Variants in POLR3B observed in about 807,000 individuals in gnomAD.
POLR3B encodes RNA polymerase III subunit B, also known as DNA-directed RNA polymerase III subunit RPC2.
In POLR3B, 96 loss-of-function variants were observed where a neutral mutation model predicts 147.4. The ratio of observed to expected loss-of-function variants is 0.65; its 90% CI spans 0.55 to 0.77. The LOEUF (loss-of-function observed/expected upper bound fraction) is 0.77, where lower values mean the gene tolerates loss of function less well. POLR3B is among the 30% of genes least tolerant of loss of function. The pLI, the probability that POLR3B is intolerant of heterozygous loss-of-function variation, is 0.00. For missense variants in POLR3B, 1,036 were observed against 1,413.5 expected (o/e 0.73, Z 4.28); for synonymous variants, 461 against 485.9 (o/e 0.95, Z 0.67).
rs937446537 is a variant in POLR3B at position 106,393,087 on chromosome 12, C to T, written c.780C>T (p.His260=). Residue 260 remains histidine (H), a synonymous_variant, in exon 10 of 28, where the codon CAC becomes CAT. Transcript: ENST00000228347. The part of the protein sequence containing the change: ...EIVQMIGTEE[H]VMAAFGPSLE... ...TGCAGATGATTGGAACAGAGGAGCA[C>T]GTGATGGCTGCATTTGGGCCCAGTC... The T allele has an allele frequency of 1.5e-5, 24 of 1,614,042 alleles. No individual in the cohort carries two copies. The highest frequency in any genetic ancestry group is 1.7e-5 in the Admixed American group (1 of 59,998).
chr12:106,498,031 A>AATAAATGTTTAG (rs1186855810), intron 25 of POLR3B, among the ~76,000 whole-genome samples: 1 of 152,192 alleles, frequency 6.6e-6, no homozygotes, highest in Non-Finnish European at 1.5e-5. Context: ...CACAGCAGGC[A>AATAAATGTTTAG]CTCCATAAAC....
intron 19 of POLR3B, among the ~76,000 whole-genome samples, chr12:106,450,350 G>C (rs569052743): frequency 6.6e-6 from 1 of 152,186 alleles, no homozygotes; most frequent in African/African-American, 2.4e-5. Context: ...AGAGTACAAA[G>C]TATAAAAATT....
intron 23 of POLR3B, among the ~76,000 whole-genome samples, chr12:106,477,485 A>C (rs2038190655): frequency 6.8e-6 from 1 of 146,196 alleles, no homozygotes; most frequent in African/African-American, 2.6e-5. Flanking sequence ...TTGCCGTTTG[A>C]TCTCAGACTG....
intron 10 of POLR3B, among the ~76,000 whole-genome samples, chr12:106,393,817 A>C (rs555401812): frequency 7.3e-5 from 11 of 151,702 alleles, no homozygotes; most frequent in African/African-American, 9.7e-5. Flanking sequence ...CCATAGTAAA[A>C]ATAATTGCAC....
intron 9 of POLR3B, among the ~76,000 whole-genome samples, chr12:106,385,487 CAAAG>C (rs956195130): frequency 8.6e-5 from 13 of 151,958 alleles, no homozygotes; most frequent in Admixed American, 2.0e-4. Context: ...AGAAAAAAAA[CAAAG>C]GAAGAGATCC....
rs1406879029 is a variant in POLR3B at position 106,410,851 on chromosome 12, A to C, written c.992A>C (p.Lys331Thr). The C allele has an allele frequency of 1.2e-6, 2 of 1,614,016 alleles. No individual in the cohort carries two copies. The highest frequency in any genetic ancestry group is 1.7e-6 in the Non-Finnish European group (2 of 1,179,930). The change falls in exon 12 of 28, where the codon AAA becomes ACA. Residue 331 changes from lysine to threonine, a missense_variant. Transcript: ENST00000228347. ...VPVKEFNFRAKCIYTAVMVRR... is the reference protein window; with the variant it reads ...VPVKEFNFRATCIYTAVMVRR... Reference sequence around the variant, plus strand: ...GTTAAGGAATTCAATTTCCGAGCCAAATGTATCTATACTGCAGTGATGGTG... The same window carrying C: ...GTTAAGGAATTCAATTTCCGAGCCACATGTATCTATACTGCAGTGATGGTG...
intron 12 of POLR3B, among the ~76,000 whole-genome samples, chr12:106,426,613 G>A (rs971576681): frequency 5.9e-5 from 9 of 151,928 alleles, no homozygotes; most frequent in Non-Finnish European, 1.2e-4. Flanking sequence ...CCACGCCCGG[G>A]TGCAATTTGT....
intron 1 of POLR3B, 172 bp downstream of exon 1, chr12:106,358,123 C>A (rs1377754465): frequency 1.4e-5 from 21 of 1,482,542 alleles, no homozygotes; most frequent in South Asian, 5.2e-5. Context: ...AGCCGGCCTC[C>A]GCGTGCGCGA....
At chr12:106,428,212 T>C (rs190226732) in intron 13 of POLR3B, among the ~76,000 whole-genome samples, 170 of 152,306 alleles carry the variant, frequency 1.1e-3, no homozygotes, top group African/African-American at 3.9e-3. Context: ...TTGAAGAGAA[T>C]CTTCCAAAGA....
chr12:106,430,049 A>G (rs1158868640), intron 13 of POLR3B, among the ~76,000 whole-genome samples: 3 of 152,216 alleles, frequency 2.0e-5, no homozygotes, highest in African/African-American at 7.2e-5. Context: ...TAATTCTGAG[A>G]TGGTTGCTAG....
chr12:106,501,022 G>A (rs1375773431), intron 25 of POLR3B, among the ~76,000 whole-genome samples: 1 of 152,190 alleles, frequency 6.6e-6, no homozygotes, highest in East Asian at 1.9e-4. Context: ...ATCTGTGGTA[G>A]CCCAAGCAAG....
intron 27 of POLR3B, among the ~76,000 whole-genome samples, chr12:106,505,408 C>G (rs981674920): frequency 6.6e-6 from 1 of 152,122 alleles, no homozygotes; most frequent in Non-Finnish European, 1.5e-5. Flanking sequence ...TCACCTCAGT[C>G]CCCTGAGTAG....
intron 6 of POLR3B, among the ~76,000 whole-genome samples, chr12:106,375,849 GTTTTTTGT>G (rs1432468652): frequency 1.3e-5 from 2 of 152,234 alleles, no homozygotes; most frequent in African/African-American, 4.8e-5. Flanking sequence ...AAACATTTGA[GTTTTTTGT>G]TTTTTTGTTT....
chr12:106,369,574 C>G lies in POLR3B; in HGVS notation c.304-9C>G. The G allele has an allele frequency of 1.3e-6, 2 of 1,576,502 alleles. No homozygotes were observed. Among genetic ancestry groups the G allele is most frequent in the Admixed American group, 1.7e-5 (1 of 59,988 alleles). ...AGCAGTAACTGTCAGATTCCTGATT[C>G]TCTTTCAGTGCCGTTTGAGAGACAT... On this transcript the variant is annotated splice_polypyrimidine_tract_variant and intron_variant, in intron 5 of 27. Coordinates refer to ENST00000228347, the MANE Select transcript of POLR3B (RefSeq NM_018082.6).
In POLR3B at chr12:106,427,239, T is replaced by A. The variant is rs1460976994; in HGVS notation, c.1144T>A (p.Ser382Thr). ...TGAAGACTTGTTCAAAAAATTTAAT[T>A]CTGAAATGAAAAAGATTGCCGACCA... ...LFEDLFKKFNSEMKKIADQVI... is the reference protein window; with the variant it reads ...LFEDLFKKFNTEMKKIADQVI... The change falls in exon 13 of 28, where the codon TCT becomes ACT. Residue 382 changes from serine to threonine, a missense_variant. This residue lies in a region of POLR3B where 89 missense variants were observed against 110.9 expected (regional missense o/e 0.80). Coordinates refer to ENST00000228347, the MANE Select transcript of POLR3B (RefSeq NM_018082.6). 1 of 1,607,744 alleles carries A rather than the reference T, an allele frequency of 6.2e-7. No homozygotes were observed. The highest frequency in any genetic ancestry group is 8.5e-7 in the Non-Finnish European group (1 of 1,175,624).
At chr12:106,483,541 G>T (rs1488412750) in intron 23 of POLR3B, among the ~76,000 whole-genome samples, 1 of 152,232 alleles carries the variant, frequency 6.6e-6, no homozygotes, top group South Asian at 2.1e-4. Flanking sequence ...TAGAGGTTTA[G>T]AGTTTACCAT....
chr12:106,397,291 A>AC (rs1384826869), intron 10 of POLR3B, among the ~76,000 whole-genome samples: 1 of 152,204 alleles, frequency 6.6e-6, no homozygotes, highest in Non-Finnish European at 1.5e-5. Context: ...CAACACTCTT[A>AC]CTTGGTTATT....
intron 12 of POLR3B, among the ~76,000 whole-genome samples, chr12:106,418,013 G>T (rs993735204): frequency 1.3e-5 from 2 of 152,150 alleles, no homozygotes; most frequent in Non-Finnish European, 2.9e-5. Context: ...AAAAACAATA[G>T]CTGCTAATTT....
At chr12:106,458,098 A>G (rs1031608755) in intron 21 of POLR3B, among the ~76,000 whole-genome samples, 7 of 152,184 alleles carry the variant, frequency 4.6e-5, no homozygotes, top group Non-Finnish European at 8.8e-5. Flanking sequence ...CCTTGCAACC[A>G]TGTTAGTATT....
Sources: gnomAD v4.1 joint callset for allele counts (sites outside exome capture counted in the v4.1 genomes callset) on GRCh38, gnomAD v4.1.1 for gene constraint, gnomAD v4.1.1 regional missense constraint, MANE v1.5 for transcripts, NCBI Gene and HGNC (gene_info 2026-07-23, HGNC 2026-07-21) for gene names.